The following TMEM132C variants were observed in gnomAD, a reference collection of about 807,000 sequenced individuals.
TMEM132C encodes transmembrane protein 132C, also known as protein phosphatase 1, regulatory subunit 152.
TMEM132C carries 29 observed loss-of-function variants against 61.4 expected under a neutral mutation model. The observed-to-expected ratio is 0.47, with a 90% CI of 0.35 to 0.64. The LOEUF (loss-of-function observed/expected upper bound fraction) is 0.64. TMEM132C is among the 30% of genes least tolerant of loss of function. The probability of loss-of-function intolerance (pLI) is 0.00; values close to 1 mark genes in which losing one functional copy is unlikely to be tolerated. For missense variants in TMEM132C, 1,408 were observed against 1,476.9 expected, an observed-to-expected ratio of 0.95 and a Z score of 0.76; for synonymous variants, 656 against 633.1, an observed-to-expected ratio of 1.04 and a Z score of -0.54.
chr12:128,604,721 T>C (rs909921158), intron 3 of TMEM132C, among the ~76,000 whole-genome samples: 4 of 151,928 alleles, frequency 2.6e-5, no homozygotes, highest in African/African-American at 9.7e-5. Context: ...AGATAAATAA[T>C]AGATGGAAGA....
chr12:128,487,708 C>T (rs1466962114), intron 2 of TMEM132C, among the ~76,000 whole-genome samples: 1 of 151,426 alleles, frequency 6.6e-6, no homozygotes, highest in African/African-American at 2.4e-5. Flanking sequence ...TCAGTTTCAT[C>T]GACCGCTCAT....
intron 2 of TMEM132C, among the ~76,000 whole-genome samples, chr12:128,497,427 A>C (rs1872004615): frequency 6.6e-6 from 1 of 152,148 alleles, no homozygotes; most frequent in Admixed American, 6.5e-5. Context: ...CTGCCCCCAG[A>C]GGTGGAGTCT....
chr12:128,488,950 A>G (rs1408143532), intron 2 of TMEM132C, among the ~76,000 whole-genome samples: 3 of 152,126 alleles, frequency 2.0e-5, no homozygotes, highest in African/African-American at 7.2e-5. Context: ...CAGGTTGATA[A>G]AGGTTGCGAT....
chr12:128,646,562 A>G lies in TMEM132C; in HGVS notation c.1306-22855A>G, dbSNP rs188015582. On this transcript the variant is annotated intron_variant, in intron 4 of 8. Coordinates refer to ENST00000435159, the MANE Select transcript of TMEM132C (RefSeq NM_001136103.3). Reference sequence around the variant, plus strand: ...TTACTGGAGTCCATCAGCATTGGATATGAGTGTGTTTACTGGAGTCCATCA... The same window carrying G: ...TTACTGGAGTCCATCAGCATTGGATGTGAGTGTGTTTACTGGAGTCCATCA... Among the ~76,000 whole-genome samples the G allele has an allele frequency of 8.1e-3, 716 of 88,380 alleles. 5 individuals carry two copies. Among genetic ancestry groups the G allele is most frequent in the African/African-American group, 0.028 (623 of 22,066 alleles). The allele number at this position is 88,380 out of a possible 152,430, so 58.0% of individuals were successfully genotyped here. A position where few individuals can be genotyped will look rare whatever the true frequency, so the allele number is the denominator to read the frequency against.
At chr12:128,301,076 C>A (rs1871580660) in intron 1 of TMEM132C, among the ~76,000 whole-genome samples, 1 of 152,070 alleles carries the variant, frequency 6.6e-6, no homozygotes, top group Non-Finnish European at 1.5e-5. Context: ...AACTCAGGGA[C>A]CATGGTCCAA....
intron 4 of TMEM132C, among the ~76,000 whole-genome samples, chr12:128,645,906 T>G (rs1029684350): frequency 6.6e-6 from 1 of 152,220 alleles, no homozygotes. Context: ...GTGCTGGATG[T>G]GAGTGTGTTT....
intron 4 of TMEM132C, among the ~76,000 whole-genome samples, chr12:128,647,579 T>G (rs1954218365): frequency 1.3e-5 from 2 of 152,060 alleles, no homozygotes; most frequent in Admixed American, 6.5e-5. Flanking sequence ...CCATCAGCAT[T>G]GGATGTGAGT....
chr12:128,296,258 G>A (rs1336947888), intron 1 of TMEM132C, among the ~76,000 whole-genome samples: 9 of 152,150 alleles, frequency 5.9e-5, no homozygotes, highest in Non-Finnish European at 5.9e-5. Flanking sequence ...ATAACAACAC[G>A]AATACAGTCT....
intron 2 of TMEM132C, among the ~76,000 whole-genome samples, chr12:128,421,897 A>G (rs948183286): frequency 1.3e-5 from 2 of 152,198 alleles, no homozygotes; most frequent in Non-Finnish European, 2.9e-5. Context: ...GTTCACTGCT[A>G]TATCCCCAGC....
intron 2 of TMEM132C, among the ~76,000 whole-genome samples, chr12:128,501,658 G>A (rs1400476563): frequency 6.6e-6 from 1 of 152,150 alleles, no homozygotes; most frequent in African/African-American, 2.4e-5. Flanking sequence ...GGAGTTGGGT[G>A]GTGTGTCTTG....
At chr12:128,371,640 G>A (rs965406504) in intron 1 of TMEM132C, among the ~76,000 whole-genome samples, 28 of 152,234 alleles carry the variant, frequency 1.8e-4, no homozygotes, top group East Asian at 1.5e-3. Context: ...TGGCACAATC[G>A]CAGCTCACTG....
chr12:128,702,990 T>C (rs1363133426), intron 8 of TMEM132C, among the ~76,000 whole-genome samples: 1 of 152,120 alleles, frequency 6.6e-6, no homozygotes, highest in Non-Finnish European at 1.5e-5. Flanking sequence ...TGAGTCATCA[T>C]GGTCTTTGTG....
At chr12:128,548,040 G>A (rs551855699) in intron 3 of TMEM132C, among the ~76,000 whole-genome samples, 3 of 152,298 alleles carry the variant, frequency 2.0e-5, no homozygotes, top group East Asian at 3.9e-4. Context: ...TTCTACATCA[G>A]GAGATGATGG....
At chr12:128,657,180 G>T (rs1954334374) in intron 4 of TMEM132C, among the ~76,000 whole-genome samples, 2 of 152,228 alleles carry the variant, frequency 1.3e-5, no homozygotes, top group South Asian at 2.1e-4. Flanking sequence ...TGTCATACTT[G>T]TGAACTCCCT....
At chr12:128,281,254 C>T (rs184924096) in intron 1 of TMEM132C, among the ~76,000 whole-genome samples, 5 of 152,264 alleles carry the variant, frequency 3.3e-5, no homozygotes, top group Admixed American at 6.5e-5. Context: ...GAGATAGATA[C>T]AAGAGGTGGC....
At chr12:128,479,349 CT>C (rs1463128045) in intron 2 of TMEM132C, among the ~76,000 whole-genome samples, 1 of 152,076 alleles carries the variant, frequency 6.6e-6, no homozygotes, top group Non-Finnish European at 1.5e-5. Context: ...ACTTGCACCC[CT>C]AAACTTAAAA....
chr12:128,417,161 G>A (rs1453156085), intron 2 of TMEM132C, among the ~76,000 whole-genome samples: 3 of 152,126 alleles, frequency 2.0e-5, no homozygotes, highest in Non-Finnish European at 4.4e-5. Context: ...TTAATTTTTG[G>A]TAAGTCCTCT....
intron 1 of TMEM132C, among the ~76,000 whole-genome samples, chr12:128,409,687 C>T (rs901700600): frequency 2.6e-5 from 4 of 152,154 alleles, no homozygotes; most frequent in African/African-American, 7.2e-5. Context: ...CGGGTCTCAA[C>T]AGATGCAGAG....
chr12:128,693,307 G>A (rs749270574), intron 5 of TMEM132C, among the ~76,000 whole-genome samples: 6 of 152,142 alleles, frequency 3.9e-5, no homozygotes, highest in Non-Finnish European at 5.9e-5. Flanking sequence ...AGACATAACT[G>A]CCCAGGGTGT....
Sources: gnomAD v4.1 joint callset for allele counts (sites outside exome capture counted in the v4.1 genomes callset) on GRCh38, gnomAD v4.1.1 for gene constraint, MANE v1.5 for transcripts, NCBI Gene and HGNC (gene_info 2026-07-23, HGNC 2026-07-21) for gene names.